Variants in CCNY observed in about 807,000 individuals in gnomAD.
The protein encoded by CCNY is cyclin Y.
CCNY carries 19 observed loss-of-function variants against 42.8 expected under a neutral mutation model. The ratio of observed to expected loss-of-function variants is 0.44; its 90% CI spans 0.31 to 0.65. CCNY has a LOEUF of 0.65. CCNY is among the 30% of genes least tolerant of loss of function. CCNY has a pLI of 0.07. For synonymous variants in CCNY, 165 were observed against 162.7 expected (o/e 1.01, Z -0.11); for missense variants, 370 against 437.3 (o/e 0.85, Z 1.37).
chr10:35,376,086 A>G (rs935554622), intron 1 of CCNY, among the ~76,000 whole-genome samples: 9 of 152,162 alleles, frequency 5.9e-5, no homozygotes, highest in Admixed American at 3.9e-4. Flanking sequence ...CTCCTGTAGC[A>G]CATGATGACC....
intron 1 of CCNY, among the ~76,000 whole-genome samples, chr10:35,406,484 G>T (rs1364595647): frequency 6.6e-6 from 1 of 151,868 alleles, no homozygotes; most frequent in Non-Finnish European, 1.5e-5. Context: ...ATCTTGCACC[G>T]CCCTTAATCC....
At chr10:35,367,770 C>G (rs888106868) in intron 1 of CCNY, among the ~76,000 whole-genome samples, 2 of 152,164 alleles carry the variant, frequency 1.3e-5, no homozygotes, top group African/African-American at 4.8e-5. Context: ...TGCAGTTAAA[C>G]AAAAGTAATT....
At chr10:35,468,350 T>A (rs1839313542) in intron 1 of CCNY, among the ~76,000 whole-genome samples, 1 of 152,192 alleles carries the variant, frequency 6.6e-6, no homozygotes, top group South Asian at 2.1e-4. Flanking sequence ...GTATGAATTT[T>A]GGGGGGACAC....
intron 1 of CCNY, among the ~76,000 whole-genome samples, chr10:35,352,006 G>A (rs940671682): frequency 1.3e-5 from 2 of 152,228 alleles, no homozygotes; most frequent in Non-Finnish European, 2.9e-5. Context: ...GAGTGTGTAA[G>A]TGATCTACCT....
At chr10:35,267,167 G>T (rs1257938851) in intron 3 of CCNY, among the ~76,000 whole-genome samples, 1 of 151,918 alleles carries the variant, frequency 6.6e-6, no homozygotes, top group Non-Finnish European at 1.5e-5. Context: ...TCCAGGACGG[G>T]TGCAGAGTGG....
In CCNY at chr10:35,449,893, C is replaced by T. The variant is rs1005269352; in HGVS notation, c.155-33511C>T. On this transcript the variant is annotated intron_variant, in intron 1 of 9. Coordinates refer to ENST00000374704, the MANE Select transcript of CCNY (RefSeq NM_145012.6). ...TCCAATGATGCTATCTCGCACCACT[C>T]AGGGCCTACCTGAGTAGGGTGTCAA... The T allele has an allele frequency of 4.4e-6, 3 of 683,580 alleles. No individual in the cohort carries two copies. In the African/African-American group the frequency reaches 5.8e-5, roughly 13 times the overall value. The allele number at this position is 683,580 out of a possible 1,614,324, so 42.3% of individuals were successfully genotyped here. A position where few individuals can be genotyped will look rare whatever the true frequency, so the allele number is the denominator to read the frequency against.
intron 3 of CCNY, among the ~76,000 whole-genome samples, chr10:35,507,167 A>G (rs937589235): frequency 6.6e-6 from 1 of 152,216 alleles, no homozygotes. Context: ...GGAGCATTCT[A>G]CTTGAAGCAG....
chr10:35,494,241 C>CG (rs1554794875), intron 2 of CCNY, among the ~76,000 whole-genome samples: 3 of 145,848 alleles, frequency 2.1e-5, no homozygotes, highest in East Asian at 2.0e-4. Flanking sequence ...GAGACCCCCC[C>CG]CCCCATTTCT....
intron 3 of CCNY, among the ~76,000 whole-genome samples, chr10:35,270,865 A>G (rs1247382958): frequency 6.6e-6 from 1 of 151,372 alleles, no homozygotes; most frequent in Non-Finnish European, 1.5e-5. Context: ...AGCTGGGACT[A>G]CAGGCGCCCG....
intron 4 of CCNY, among the ~76,000 whole-genome samples, chr10:35,523,020 A>G (rs1840580344): frequency 1.3e-5 from 2 of 152,114 alleles, no homozygotes; most frequent in South Asian, 4.1e-4. Flanking sequence ...TATAGATAAT[A>G]TGTCACTGAC....
chr10:35,254,921 T>C (rs543836763), intron 3 of CCNY, among the ~76,000 whole-genome samples: 1 of 151,974 alleles, frequency 6.6e-6, no homozygotes, highest in Non-Finnish European at 1.5e-5. Flanking sequence ...TTTCTGTAAT[T>C]GATTCCTACC....
At chr10:35,328,367 G>C (rs1173397527) in intron 3 of CCNY, among the ~76,000 whole-genome samples, 1 of 152,180 alleles carries the variant, frequency 6.6e-6, no homozygotes, top group Non-Finnish European at 1.5e-5. Context: ...ATGGAGCTGG[G>C]ATATAGGCAG....
chr10:35,270,152 T>C (rs1386512805), intron 3 of CCNY, among the ~76,000 whole-genome samples: 1 of 152,174 alleles, frequency 6.6e-6, no homozygotes, highest in Non-Finnish European at 1.5e-5. Flanking sequence ...TCTCCTCTGC[T>C]TCTGAGCCCT....
At chr10:35,521,820 G>A (rs1215507820) in intron 4 of CCNY, among the ~76,000 whole-genome samples, 2 of 152,148 alleles carry the variant, frequency 1.3e-5, no homozygotes, top group African/African-American at 4.8e-5. Context: ...CTGGATGGAA[G>A]GACACTGTTT....
intron 3 of CCNY, among the ~76,000 whole-genome samples, chr10:35,306,851 G>A (rs1001944568): frequency 6.6e-6 from 1 of 152,138 alleles, no homozygotes; most frequent in Non-Finnish European, 1.5e-5. Flanking sequence ...ATCTTAGGGG[G>A]CCAGGAGGAT....
intron 3 of CCNY, among the ~76,000 whole-genome samples, chr10:35,266,066 C>T (rs2135037066): frequency 1.3e-5 from 2 of 152,096 alleles, no homozygotes; most frequent in East Asian, 3.9e-4. Flanking sequence ...CAGGAAACTT[C>T]TCTTTTTTTA....
intron 1 of CCNY, among the ~76,000 whole-genome samples, chr10:35,386,875 G>A (rs545729919): frequency 6.6e-6 from 1 of 152,192 alleles, no homozygotes; most frequent in South Asian, 2.1e-4. Context: ...ATGGAGGGGT[G>A]GGGGATGGTG....
At chr10:35,270,734 T>C (rs1270043216) in intron 3 of CCNY, among the ~76,000 whole-genome samples, 4 of 148,720 alleles carry the variant, frequency 2.7e-5, no homozygotes, top group East Asian at 3.9e-4. Context: ...TTTTCTTTTT[T>C]TTTTTTTTTG....
chr10:35,533,201 G>A (rs1352413321), intron 7 of CCNY, among the ~76,000 whole-genome samples: 1 of 152,162 alleles, frequency 6.6e-6, no homozygotes, highest in African/African-American at 2.4e-5. Context: ...GTTTTGGAGA[G>A]GGGAGATTTT....
Sources: gnomAD v4.1 joint callset for allele counts (sites outside exome capture counted in the v4.1 genomes callset) on GRCh38, gnomAD v4.1.1 for gene constraint, MANE v1.5 for transcripts, NCBI Gene and HGNC (gene_info 2026-07-23, HGNC 2026-07-21) for gene names.